Variants in RHOQ observed in about 807,000 individuals in gnomAD.
The protein encoded by RHOQ is ras homolog family member Q, also known as rho-related GTP-binding protein RhoQ.
RHOQ carries 7 observed loss-of-function variants against 25.8 expected under a neutral mutation model. The ratio of observed to expected loss-of-function variants is 0.27; its 90% CI spans 0.15 to 0.51. The LOEUF (loss-of-function observed/expected upper bound fraction) is 0.51. Among genes scored for constraint, RHOQ ranks in the 20% least tolerant of loss-of-function variants. The probability of loss-of-function intolerance (pLI) is 0.97; values close to 1 mark genes in which losing one functional copy is unlikely to be tolerated. For synonymous variants in RHOQ, 97 were observed against 98.6 expected, an observed-to-expected ratio of 0.98 and a Z score of 0.10; for missense variants, 165 against 260.6, an observed-to-expected ratio of 0.63 and a Z score of 2.53.
At position 46,548,318 on chromosome 2, in the gene RHOQ, C is replaced by T. The variant is rs1403082144; in HGVS notation, c.201+4506C>T. Among the ~76,000 whole-genome samples, 1 of 152,186 alleles carries T rather than the reference C, an allele frequency of 6.6e-6. No homozygotes were observed. Among genetic ancestry groups the T allele is most frequent in the African/African-American group, 2.4e-5 (1 of 41,440 alleles). ...CACTTCCCCTACAGAAGGGAATCTC[C>T]ACCGGAGGCAGGCTTGGCATGCCCC... On this transcript the variant is annotated intron_variant, in intron 2 of 4. Coordinates refer to ENST00000238738, the MANE Select transcript of RHOQ (RefSeq NM_012249.4). The surrounding 1 kb of genome is among the most constrained non-coding windows in gnomAD (Gnocchi z 5.2).
At chr2:46,565,418 T>G (rs1454257174) in intron 2 of RHOQ, among the ~76,000 whole-genome samples, 1 of 152,078 alleles carries the variant, frequency 6.6e-6, no homozygotes, top group Non-Finnish European at 1.5e-5. Flanking sequence ...GCAGAAAAAG[T>G]TGTGGTGAAA....
intron 2 of RHOQ, among the ~76,000 whole-genome samples, chr2:46,554,581 G>A (rs541549352): frequency 2.0e-5 from 3 of 152,164 alleles, no homozygotes; most frequent in Non-Finnish European, 4.4e-5. Context: ...TAGTTCCAAA[G>A]CATCAGATGG....
In RHOQ at chr2:46,567,296, T is replaced by A. The variant is rs1459346283; in HGVS notation, c.202-8791T>A. On this transcript the variant is annotated intron_variant, in intron 2 of 4. Coordinates refer to ENST00000238738, the MANE Select transcript of RHOQ (RefSeq NM_012249.4). ...ACAAATATTGGCTAACATAGTTATT[T>A]TTTATTAGTGACTCAGATACTAACA... 3.3e-5 allele frequency among the ~76,000 whole-genome samples: 5 copies of A among 152,222 alleles called. No individual in the cohort carries two copies. In the East Asian group the frequency reaches 9.6e-4, roughly 29 times the overall value.
intron 2 of RHOQ, among the ~76,000 whole-genome samples, chr2:46,567,685 C>T (rs1476237574): frequency 6.6e-6 from 1 of 152,094 alleles, no homozygotes; most frequent in Non-Finnish European, 1.5e-5. Flanking sequence ...AGCCACTGCA[C>T]CCAGCCTCCT....
chr2:46,575,118 G>A (rs149285992), intron 2 of RHOQ, among the ~76,000 whole-genome samples: 8 of 152,300 alleles, frequency 5.3e-5, no homozygotes, highest in African/African-American at 1.9e-4. Context: ...ACCATCAGGA[G>A]TATAGCTGTT....
Position 46,543,163 on chromosome 2 carries a change from G to A in RHOQ, c.117G>A (p.Val39=), listed in dbSNP as rs773172588. 1.2e-6 allele frequency: 2 copies of A among 1,612,214 alleles called. No individual in the cohort carries two copies. Among genetic ancestry groups the A allele is most frequent in the Non-Finnish European group, 1.7e-6 (2 of 1,179,406 alleles). Reference sequence around the variant, plus strand: ...ACGACGCCTTCCCGGAGGAGTACGTGCCCACCGTCTTCGACCACTACGCAG... The same window carrying A: ...ACGACGCCTTCCCGGAGGAGTACGTACCCACCGTCTTCGACCACTACGCAG... ...YANDAFPEEY[V]PTVFDHYAVS... The change falls in exon 1 of 5, where the codon GTG becomes GTA. Residue 39 remains valine, a synonymous_variant. Transcript: ENST00000238738.
rs1668278367 is a variant in RHOQ at position 46,552,648 on chromosome 2, T to C, written c.201+8836T>C. Reference sequence around the variant, plus strand: ...CACCTCTGCATGGGCTCCCAAATCCTGCCTGGCTGCTTCCTGTGGTGGCTG... The same window carrying C: ...CACCTCTGCATGGGCTCCCAAATCCCGCCTGGCTGCTTCCTGTGGTGGCTG... On this transcript the variant is annotated intron_variant, in intron 2 of 4. Transcript: ENST00000238738. The surrounding 1 kb of genome is among the most constrained non-coding windows in gnomAD (Gnocchi z 5.0). Among the ~76,000 whole-genome samples the C allele has an allele frequency of 6.6e-6, 1 of 152,254 alleles. No individual in the cohort carries two copies. Among genetic ancestry groups the C allele is most frequent in the South Asian group, 2.1e-4 (1 of 4,834 alleles).
In RHOQ at chr2:46,576,268, T is replaced by C. The variant is rs753554790; in HGVS notation, c.366+17T>C. 2.5e-6 allele frequency: 4 copies of C among 1,597,632 alleles called. No homozygotes were observed. In the South Asian group the frequency reaches 4.4e-5, roughly 18 times the overall value. On this transcript the variant is annotated intron_variant, in intron 3 of 4. Coordinates refer to ENST00000238738, the MANE Select transcript of RHOQ (RefSeq NM_012249.4). This position sits in a 1 kb window ranked among gnomAD's most constrained non-coding sequence, Gnocchi z 5.1. ...GGAACTCAGGTATGTCTGGTTTGATTTTCTGCATTTTAGAATAAGCTCTTT... is the reference window on the plus strand; with the variant it reads ...GGAACTCAGGTATGTCTGGTTTGATCTTCTGCATTTTAGAATAAGCTCTTT...
At chr2:46,562,104 C>T (rs1032901149) in intron 2 of RHOQ, among the ~76,000 whole-genome samples, 3 of 152,180 alleles carry the variant, frequency 2.0e-5, no homozygotes, top group Admixed American at 1.3e-4. Context: ...CACTTATCGG[C>T]AGCACAGGGT....
intron 2 of RHOQ, among the ~76,000 whole-genome samples, chr2:46,574,249 G>T (rs538043829): frequency 2.2e-4 from 34 of 152,198 alleles, no homozygotes; most frequent in Admixed American, 1.9e-3. Context: ...TTTTTAATGA[G>T]AACACCCCAT....
intron 2 of RHOQ, among the ~76,000 whole-genome samples, chr2:46,547,352 C>T (rs984620247): frequency 1.3e-5 from 2 of 152,246 alleles, no homozygotes; most frequent in African/African-American, 2.4e-5. Context: ...ATTAGGGCAT[C>T]TACCAGTCAA....
At chr2:46,567,954 G>C (rs1215270108) in intron 2 of RHOQ, among the ~76,000 whole-genome samples, 1 of 152,074 alleles carries the variant, frequency 6.6e-6, no homozygotes, top group Non-Finnish European at 1.5e-5. Context: ...TATGCCCGTA[G>C]TATCAACTAC....
In RHOQ at chr2:46,548,554, T is replaced by C. The variant is rs1668144819; in HGVS notation, c.201+4742T>C. ...GTGATTAGGAAAAAGGTTTTCTACT[T>C]TGGAGAAGGCCTGCAGGGAACATTA... On this transcript the variant is annotated intron_variant, in intron 2 of 4. Transcript: ENST00000238738. This position sits in a 1 kb window ranked among gnomAD's most constrained non-coding sequence, Gnocchi z 5.2. Among the ~76,000 whole-genome samples, 1 of 152,136 alleles carries C rather than the reference T, an allele frequency of 6.6e-6. No homozygotes were observed. Among genetic ancestry groups the C allele is most frequent in the Admixed American group, 6.5e-5 (1 of 15,278 alleles).
intron 2 of RHOQ, among the ~76,000 whole-genome samples, chr2:46,544,913 G>C (rs1667998207): frequency 6.6e-6 from 1 of 152,218 alleles, no homozygotes; most frequent in Non-Finnish European, 1.5e-5. Flanking sequence ...CACACACTAG[G>C]TGCTCAATAA....
chr2:46,551,050 AC>A (rs1164822238), intron 2 of RHOQ, among the ~76,000 whole-genome samples: 1 of 151,858 alleles, frequency 6.6e-6, no homozygotes, highest in Non-Finnish European at 1.5e-5. Context: ...GCCAGTGTGG[AC>A]CCCCACACTG....
intron 2 of RHOQ, chr2:46,572,812 CTTCT>C (rs762114274): frequency 2.0e-5 from 9 of 440,382 alleles, no homozygotes; most frequent in East Asian, 7.0e-5. Flanking sequence ...CTACATTTGA[CTTCT>C]TTGTGTTCTC....
intron 2 of RHOQ, among the ~76,000 whole-genome samples, chr2:46,546,370 GATAA>G (rs1277624436): frequency 6.8e-5 from 10 of 146,930 alleles, no homozygotes; most frequent in African/African-American, 1.3e-4. Context: ...TAATAACAAT[GATAA>G]ATAAACATGT....
At chr2:46,578,637 T>C (rs1261514369) in intron 4 of RHOQ, among the ~76,000 whole-genome samples, 8 of 135,288 alleles carry the variant, frequency 5.9e-5, no homozygotes, top group Non-Finnish European at 1.2e-4. Flanking sequence ...ATACCTGTAG[T>C]CCCAGCTACT....
At chr2:46,550,500 C>G (rs933573109) in intron 2 of RHOQ, among the ~76,000 whole-genome samples, 1 of 152,228 alleles carries the variant, frequency 6.6e-6, no homozygotes, top group Non-Finnish European at 1.5e-5. Flanking sequence ...CCCCAACACT[C>G]TGTCTCAGAC....
Sources: allele counts gnomAD v4.1 joint callset (sites outside exome capture counted in the v4.1 genomes callset), GRCh38; gene constraint gnomAD v4.1.1; non-coding constraint Gnocchi (gnomAD v3.1); transcripts MANE v1.5; gene names NCBI Gene and HGNC (gene_info 2026-07-23, HGNC 2026-07-21).